FAM107B: variants seen among roughly 807,000 people sequenced by gnomAD.
FAM107B encodes family with sequence similarity 107 member B, also known as protein FAM107B.
In FAM107B, 21 loss-of-function variants were observed where a neutral mutation model predicts 31.5. The observed-to-expected ratio is 0.67, with a 90% CI of 0.47 to 0.96. The LOEUF is 0.96. Among genes scored for constraint, FAM107B ranks in the 40% least tolerant of loss-of-function variants. The pLI, the probability that FAM107B is intolerant of heterozygous loss-of-function variation, is 0.00. For synonymous variants in FAM107B, 157 were observed against 141.5 expected, an observed-to-expected ratio of 1.11 and a Z score of -0.78; for missense variants, 452 against 377.1, an observed-to-expected ratio of 1.20 and a Z score of -1.64.
chr10:14,588,361 T>C (rs1851910294), intron 2 of FAM107B, among the ~76,000 whole-genome samples: 1 of 152,184 alleles, frequency 6.6e-6, no homozygotes, highest in Admixed American at 6.5e-5. Flanking sequence ...CAAACAAACC[T>C]ACTCCAGGCA....
intron 1 of FAM107B, among the ~76,000 whole-genome samples, chr10:14,719,530 G>A (rs867215381): frequency 5.9e-5 from 9 of 152,140 alleles, no homozygotes; most frequent in South Asian, 2.1e-4. Flanking sequence ...AACACACGCC[G>A]GTCATTTGCC....
At chr10:14,766,324 GA>G (rs1253165891) in intron 1 of FAM107B, among the ~76,000 whole-genome samples, 1 of 152,298 alleles carries the variant, frequency 6.6e-6, no homozygotes, top group African/African-American at 2.4e-5. Context: ...GAGAGCAAAG[GA>G]AAAGTTATTT....
At chr10:14,695,046 T>C (rs762833684) in intron 1 of FAM107B, among the ~76,000 whole-genome samples, 45 of 152,302 alleles carry the variant, frequency 3.0e-4, no homozygotes, top group Middle Eastern at 3.4e-3. Context: ...GCCTAAGTTT[T>C]TGGTGTGATA....
intron 2 of FAM107B, among the ~76,000 whole-genome samples, chr10:14,583,921 T>C (rs12777920): frequency 0.085 from 12,992 of 152,222 alleles, 695 homozygotes; most frequent in East Asian, 0.16. Flanking sequence ...GGACTCGTGG[T>C]CACCGTTGTT....
At chr10:14,723,740 CA>C (rs1855967150) in intron 1 of FAM107B, 3 of 757,912 alleles carry the variant, frequency 4.0e-6, no homozygotes, top group Non-Finnish European at 7.2e-6. Flanking sequence ...GTGAAGGTTC[CA>C]GGGGTGAAGT....
At chr10:14,643,010 C>G (rs1853666704) in intron 2 of FAM107B, among the ~76,000 whole-genome samples, 1 of 152,140 alleles carries the variant, frequency 6.6e-6, no homozygotes, top group Non-Finnish European at 1.5e-5. Flanking sequence ...AAAGCCATTT[C>G]CACATTTTTA....
Position 14,774,348 on chromosome 10 carries a change from C to T in FAM107B, c.316G>A (p.Glu106Lys), listed in dbSNP as rs746152381. Residue 106 changes from glutamate to lysine, a missense_variant, in exon 1 of 5, where the codon GAA becomes AAA. By Grantham distance (56) the Glu-to-Lys change is moderately conservative. Transcript: ENST00000181796. ...RTAAQPAETP[E>K]DVPGSLDDGA... Reference sequence around the variant, plus strand: ...TCATCCAGGGACCCGGGCACATCTTCAGGCGTCTCCGCGGGCTGGGCCGCA... The same window carrying T: ...TCATCCAGGGACCCGGGCACATCTTTAGGCGTCTCCGCGGGCTGGGCCGCA... 5 of 1,614,104 alleles carry T rather than the reference C, an allele frequency of 3.1e-6. No individual in the cohort carries two copies. The South Asian group carries it at 3.3e-5, about 11-fold the overall frequency.
At chr10:14,554,538 G>T (rs969402671) in intron 2 of FAM107B, among the ~76,000 whole-genome samples, 2 of 152,216 alleles carry the variant, frequency 1.3e-5, no homozygotes, top group Admixed American at 1.3e-4. Context: ...GGTGTGAAAT[G>T]GACTGGACCA....
chr10:14,526,860 C>T lies in FAM107B; in HGVS notation c.653+3472G>A, dbSNP rs149324553. On this transcript the variant is annotated intron_variant, in intron 3 of 4. Coordinates refer to ENST00000181796, the MANE Select transcript of FAM107B (RefSeq NM_031453.4). ...TATTAATTTTTTTTTTTTTTTGAGA[C>T]GGAGTCTCGCTTTGTCACCCAGGCT... 7.3e-3 allele frequency among the ~76,000 whole-genome samples: 1,086 copies of T among 148,836 alleles called. 18 individuals are homozygous for T. Among genetic ancestry groups the T allele is most frequent in the African/African-American group, 0.025 (1,034 of 40,604 alleles).
intron 2 of FAM107B, among the ~76,000 whole-genome samples, chr10:14,639,551 C>G (rs1302902999): frequency 6.6e-6 from 1 of 152,090 alleles, no homozygotes; most frequent in African/African-American, 2.4e-5. Flanking sequence ...ATTTCTCATT[C>G]CTCTCAAGAC....
Position 14,523,342 on chromosome 10 carries a change from G to A in FAM107B, c.654-1323C>T, listed in dbSNP as rs778517748. Among the ~76,000 whole-genome samples the A allele has an allele frequency of 1.1e-3, 166 of 152,272 alleles. 1 individual carries two copies. The highest frequency in any genetic ancestry group is 3.5e-3 in the African/African-American group (145 of 41,556). ...TAAAATAAAAATAGGACAAACCACC[G>A]AACAGGAAAAGCGCTTTCAATTTCA... On this transcript the variant is annotated intron_variant, in intron 3 of 4. Transcript: ENST00000181796.
At chr10:14,740,666 G>A (rs557881949) in intron 1 of FAM107B, among the ~76,000 whole-genome samples, 20 of 152,292 alleles carry the variant, frequency 1.3e-4, no homozygotes, top group Non-Finnish European at 2.5e-4. Context: ...ATCAATGCAA[G>A]ATGTTAAAAA....
intron 2 of FAM107B, chr10:14,556,340 C>A: frequency 2.0e-6 from 2 of 985,380 alleles, no homozygotes; most frequent in Non-Finnish European, 2.4e-6. Flanking sequence ...CCCAAATGCA[C>A]AGAAGATCTA....
intron 2 of FAM107B, among the ~76,000 whole-genome samples, chr10:14,662,436 G>A (rs578090012): frequency 6.6e-6 from 1 of 150,688 alleles, no homozygotes; most frequent in African/African-American, 2.4e-5. Flanking sequence ...GAGTGCAGTG[G>A]CACAATCATG....
At chr10:14,734,488 G>GTGTTTTTGTTTTTTTTTTT (rs558940939) in intron 1 of FAM107B, among the ~76,000 whole-genome samples, 28 of 138,554 alleles carry the variant, frequency 2.0e-4, no homozygotes, top group African/African-American at 7.3e-4. Flanking sequence ...TTTTTGTGAG[G>GTGTTTTTGTTTTTTTTTTT]TTTTTTTTTT....
At position 14,583,353 on chromosome 10, in the gene FAM107B, T is replaced by C. The variant is rs1332618905; in HGVS notation, c.470-52838A>G. On this transcript the variant is annotated intron_variant, in intron 2 of 4. Coordinates refer to ENST00000181796, the MANE Select transcript of FAM107B (RefSeq NM_031453.4). The stretch of plus-strand genomic sequence containing the variant: ...GGCCCTCGCGGGGCAGAGTCGGAGA[T>C]GAAGATACTGCAGGGAAAGTAGCTG... Among the ~76,000 whole-genome samples the C allele has an allele frequency of 3.3e-5, 5 of 152,196 alleles. No homozygotes were observed. The East Asian group carries it at 7.7e-4, about 24-fold the overall frequency.
intron 1 of FAM107B, among the ~76,000 whole-genome samples, chr10:14,701,209 A>C (rs1855391149): frequency 6.6e-6 from 1 of 152,076 alleles, no homozygotes; most frequent in South Asian, 2.1e-4. Context: ...GCCAGGCAGA[A>C]ACTCTTCATT....
intron 2 of FAM107B, among the ~76,000 whole-genome samples, chr10:14,642,695 A>G (rs1853658374): frequency 6.6e-6 from 1 of 152,148 alleles, no homozygotes; most frequent in Admixed American, 6.5e-5. Flanking sequence ...TTCCTTCTTC[A>G]ATTAATGTTT....
intron 2 of FAM107B, among the ~76,000 whole-genome samples, chr10:14,641,396 T>C (rs1853623826): frequency 6.6e-6 from 1 of 152,212 alleles, no homozygotes; most frequent in Non-Finnish European, 1.5e-5. Flanking sequence ...AAAACCAAGT[T>C]AGGCTAGTTT....
Sources: gnomAD v4.1 joint callset for allele counts (sites outside exome capture counted in the v4.1 genomes callset) on GRCh38, gnomAD v4.1.1 for gene constraint, MANE v1.5 for transcripts, NCBI Gene and HGNC (gene_info 2026-07-23, HGNC 2026-07-21) for gene names.